Variants in RBMS3 observed in about 807,000 individuals in gnomAD.
RBMS3 encodes the protein RNA-binding motif, single-stranded-interacting protein 3.
Under a neutral mutation model 66.8 loss-of-function variants are expected in RBMS3, and 27 were observed. The observed-to-expected ratio is 0.40, with a 90% confidence interval of 0.30 to 0.56. The LOEUF (loss-of-function observed/expected upper bound fraction) is 0.56. RBMS3 is among the 20% of genes least tolerant of loss of function. RBMS3 has a pLI of 0.40. For synonymous variants in RBMS3, 188 were observed against 183.0 expected, an observed-to-expected ratio of 1.03 and a Z score of -0.22; for missense variants, 513 against 549.5, an observed-to-expected ratio of 0.93 and a Z score of 0.66.
At chr3:29,603,983 C>A (rs766177470) in intron 4 of RBMS3, among the ~76,000 whole-genome samples, 4 of 151,916 alleles carry the variant, frequency 2.6e-5, no homozygotes, top group Admixed American at 6.6e-5. Context: ...ACAACTAGGG[C>A]ACAAGTTGCT....
chr3:29,580,113 AT>A (rs916524074), intron 3 of RBMS3, among the ~76,000 whole-genome samples: 1 of 152,124 alleles, frequency 6.6e-6, no homozygotes, highest in African/African-American at 2.4e-5. Context: ...TGCTCTCTAA[AT>A]TTGTCTGTCT....
intron 12 of RBMS3, among the ~76,000 whole-genome samples, chr3:29,956,725 C>G (rs1029261391): frequency 6.6e-6 from 1 of 152,148 alleles, no homozygotes; most frequent in Non-Finnish European, 1.5e-5. Flanking sequence ...ATCCATCTAA[C>G]TGGTCGGACT....
intron 1 of RBMS3, among the ~76,000 whole-genome samples, chr3:29,360,705 G>A (rs1387026129): frequency 6.6e-6 from 1 of 151,956 alleles, no homozygotes; most frequent in East Asian, 1.9e-4. Flanking sequence ...GGTCTCTAAG[G>A]ACTTGCTTTA....
intron 3 of RBMS3, among the ~76,000 whole-genome samples, chr3:29,489,182 GT>G (rs2043434399): frequency 6.6e-6 from 1 of 152,114 alleles, no homozygotes; most frequent in Non-Finnish European, 1.5e-5. Flanking sequence ...GCTGTTTGTT[GT>G]TCCTTTAATC....
intron 9 of RBMS3, among the ~76,000 whole-genome samples, chr3:29,898,566 C>T (rs1176722766): frequency 1.3e-5 from 2 of 151,596 alleles, no homozygotes; most frequent in Non-Finnish European, 3.0e-5. Flanking sequence ...TCTTTTTCTG[C>T]ACTCAGATTC....
intron 3 of RBMS3, among the ~76,000 whole-genome samples, chr3:29,500,741 A>T (rs1008436955): frequency 6.6e-6 from 1 of 152,068 alleles, no homozygotes; most frequent in Non-Finnish European, 1.5e-5. Context: ...TGGTGTTTGC[A>T]CAATAATGAA....
intron 7 of RBMS3, among the ~76,000 whole-genome samples, chr3:29,875,977 C>T (rs3773114): frequency 1.3e-5 from 2 of 152,104 alleles, no homozygotes; most frequent in African/African-American, 2.4e-5. Context: ...TATTAAGACC[C>T]CTTTGATGTT....
intron 1 of RBMS3, among the ~76,000 whole-genome samples, chr3:29,392,436 C>A (rs34252339): frequency 0.11 from 16,977 of 151,972 alleles, 1,358 homozygotes; most frequent in Admixed American, 0.25. Flanking sequence ...TTCTTTTTTT[C>A]ATCACTTTAT....
At chr3:29,918,186 A>G (rs776859845) in intron 10 of RBMS3, among the ~76,000 whole-genome samples, 1 of 152,128 alleles carries the variant, frequency 6.6e-6, no homozygotes, top group Non-Finnish European at 1.5e-5. Context: ...GTCAGGTTAT[A>G]TAATTTAACC....
intron 4 of RBMS3, among the ~76,000 whole-genome samples, chr3:29,654,138 C>G (rs2050238784): frequency 6.6e-6 from 1 of 152,038 alleles, no homozygotes; most frequent in South Asian, 2.1e-4. Context: ...ACAGCTGCCT[C>G]TATAGACAGA....
intron 3 of RBMS3, among the ~76,000 whole-genome samples, chr3:29,583,078 C>A (rs1049354343): frequency 3.3e-5 from 5 of 152,222 alleles, no homozygotes; most frequent in African/African-American, 1.2e-4. Context: ...AAAGGGCCAA[C>A]CTCTCTCTCC....
At chr3:29,377,846 T>G (rs1383648021) in intron 1 of RBMS3, among the ~76,000 whole-genome samples, 1 of 152,226 alleles carries the variant, frequency 6.6e-6, no homozygotes, top group African/African-American at 2.4e-5. Context: ...TTCATTCTAA[T>G]CATCTGCAAA....
chr3:29,306,446 T>C (rs546368972), intron 1 of RBMS3, among the ~76,000 whole-genome samples: 1 of 151,998 alleles, frequency 6.6e-6, no homozygotes, highest in Admixed American at 6.6e-5. Flanking sequence ...TTAACCTAGT[T>C]GGCTTTTGTT....
At chr3:29,465,337 A>G (rs2042501753) in intron 2 of RBMS3, among the ~76,000 whole-genome samples, 2 of 152,208 alleles carry the variant, frequency 1.3e-5, no homozygotes. Context: ...TAGGCAATAC[A>G]TTTTAATGAG....
intron 12 of RBMS3, among the ~76,000 whole-genome samples, chr3:29,951,624 A>C (rs536871027): frequency 6.6e-6 from 1 of 151,882 alleles, no homozygotes; most frequent in East Asian, 1.9e-4. Context: ...GATTCAGGAA[A>C]GTGTGTTAGG....
At chr3:29,870,693 C>A (rs572608999) in intron 7 of RBMS3, among the ~76,000 whole-genome samples, 27 of 152,118 alleles carry the variant, frequency 1.8e-4, no homozygotes, top group Non-Finnish European at 2.6e-4. Flanking sequence ...GGACCCAGAG[C>A]ACCTTATAAT....
intron 1 of RBMS3, among the ~76,000 whole-genome samples, chr3:29,322,598 T>G (rs1165118922): frequency 1.3e-5 from 2 of 151,540 alleles, no homozygotes; most frequent in Non-Finnish European, 1.5e-5. Flanking sequence ...TCAAGTCAGT[T>G]GCCATGCTAA....
intron 1 of RBMS3, among the ~76,000 whole-genome samples, chr3:29,323,996 GA>G (rs34678893): frequency 0.88 from 127,461 of 145,548 alleles, 55,783 homozygotes; most frequent in East Asian, 0.98. Context: ...TGCCCACTCT[GA>G]AAAAAAAAAA....
chr3:29,969,985 T>A (rs1697119309), intron 12 of RBMS3, among the ~76,000 whole-genome samples: 1 of 152,112 alleles, frequency 6.6e-6, no homozygotes, highest in African/African-American at 2.4e-5. Context: ...CTTAAGAGTA[T>A]TTTTAGGAAA....
Sources: allele counts gnomAD v4.1 joint callset (sites outside exome capture counted in the v4.1 genomes callset), GRCh38; gene constraint gnomAD v4.1.1; transcripts MANE v1.5; gene names NCBI Gene and HGNC (gene_info 2026-07-23, HGNC 2026-07-21).